FAM90A20: variants seen among roughly 807,000 people sequenced by gnomAD.
The protein encoded by FAM90A20 is family with sequence similarity 90 member A20.
chr8:7,297,339 G>T, the FAM90A20 span: 2 of 1,389,502 alleles, frequency 1.4e-6, no homozygotes, highest in Admixed American at 1.7e-5. Context: ...GAGGGTAGCT[G>T]CCGAGAAGTT....
chr8:7,297,687 C>T, the FAM90A20 span: 5 of 1,406,000 alleles, frequency 3.6e-6, no homozygotes, highest in South Asian at 3.4e-5. Context: ...AGGAGGACAC[C>T]GGCCCAGGTG....
chr8:7,296,971 T>G, the FAM90A20 span: 1 of 1,132,012 alleles, frequency 8.8e-7, no homozygotes, highest in Non-Finnish European at 1.2e-6. Context: ...AAGAATTTCA[T>G]GGTGTGTGCA....
At chr8:7,296,841 T>C in the FAM90A20 span, among the ~76,000 whole-genome samples, 2 of 136,636 alleles carry the variant, frequency 1.5e-5, 1 homozygote. Context: ...TTTTGAACAA[T>C]GGTGTGCTTA....
At chr8:7,297,348 T>C in the FAM90A20 span, 2 of 1,407,744 alleles carry the variant, frequency 1.4e-6, no homozygotes, top group Non-Finnish European at 2.0e-6. Context: ...TGCCGAGAAG[T>C]TCCCCAGGCT....
the FAM90A20 span, chr8:7,297,392 A>G: frequency 6.5e-7 from 1 of 1,527,236 alleles, no homozygotes; most frequent in Admixed American, 1.7e-5. Context: ...CCAGGCCGTC[A>G]GAACCCAGGC....
the FAM90A20 span, chr8:7,295,858 T>C: frequency 2.9e-6 from 2 of 693,362 alleles, no homozygotes; most frequent in Non-Finnish European, 5.0e-6. Flanking sequence ...TTTTCACCAC[T>C]CTTAGGGTAC....
the FAM90A20 span, among the ~76,000 whole-genome samples, chr8:7,296,051 T>C: frequency 3.1e-5 from 4 of 128,560 alleles, 1 homozygote; most frequent in Non-Finnish European, 6.2e-5. Context: ...TTCATGCAGG[T>C]TCCCCACGAC....
chr8:7,297,394 A>G, the FAM90A20 span: 1 of 1,529,038 alleles, frequency 6.5e-7, no homozygotes, highest in Non-Finnish European at 8.9e-7. Context: ...AGGCCGTCAG[A>G]ACCCAGGCAC....
At chr8:7,296,926 C>T in the FAM90A20 span, 1 of 728,664 alleles carries the variant, frequency 1.4e-6, no homozygotes, top group East Asian at 2.7e-5. Context: ...GAGGGTCTGT[C>T]CCTACTTCCA....
At chr8:7,297,687 C>G in the FAM90A20 span, 13 of 1,405,940 alleles carry the variant, frequency 9.2e-6, 2 homozygotes, top group Non-Finnish European at 1.3e-5. Context: ...AGGAGGACAC[C>G]GGCCCAGGTG....
the FAM90A20 span, among the ~76,000 whole-genome samples, chr8:7,296,554 A>T: frequency 3.0e-5 from 4 of 135,532 alleles, 1 homozygote; most frequent in African/African-American, 7.1e-5. Flanking sequence ...GTTTGATTCC[A>T]GGCGAAGTCA....
At chr8:7,295,621 C>T in the FAM90A20 span, 4 of 649,908 alleles carry the variant, frequency 6.2e-6, 1 homozygote, top group Non-Finnish European at 1.1e-5. Flanking sequence ...CACTTCCTTT[C>T]CACCCACAGC....
At chr8:7,296,362 G>C in the FAM90A20 span, 2 of 747,206 alleles carry the variant, frequency 2.7e-6, no homozygotes, top group East Asian at 2.5e-5. Flanking sequence ...GCTGCCGAAT[G>C]GAAAAGGATC....
the FAM90A20 span, chr8:7,295,596 C>T: frequency 4.6e-6 from 3 of 658,238 alleles, 1 homozygote; most frequent in South Asian, 4.4e-5. Context: ...GTGGCTTCAG[C>T]TCACTCACTG....
the FAM90A20 span, chr8:7,297,606 G>A: frequency 3.4e-6 from 5 of 1,459,830 alleles, no homozygotes; most frequent in Non-Finnish European, 3.7e-6. Flanking sequence ...GGTGAGCTGG[G>A]GGCCCCGGAG....
the FAM90A20 span, chr8:7,296,196 C>T: frequency 3.1e-6 from 2 of 653,526 alleles, no homozygotes; most frequent in East Asian, 2.9e-5. Context: ...TTCTGTATCA[C>T]AAGACACGGA....
the FAM90A20 span, chr8:7,297,991 C>T: frequency 1.5e-6 from 1 of 685,298 alleles, no homozygotes; most frequent in East Asian, 2.7e-5. Context: ...AGGTTTCCTC[C>T]TCCTCAGAGG....
chr8:7,297,463 G>A, the FAM90A20 span: 4 of 1,548,452 alleles, frequency 2.6e-6, no homozygotes, highest in South Asian at 1.1e-5. Context: ...CACACAGCTT[G>A]GGCCTAGGCT....
chr8:7,295,857 C>G, the FAM90A20 span: 1 of 694,722 alleles, frequency 1.4e-6, no homozygotes, highest in Non-Finnish European at 2.5e-6. Flanking sequence ...GTTTTCACCA[C>G]TCTTAGGGTA....
Sources: gnomAD v4.1 joint callset for allele counts (sites outside exome capture counted in the v4.1 genomes callset) on GRCh38, gnomAD v4.1.1 for gene constraint, MANE v1.5 for transcripts, NCBI Gene and HGNC (gene_info 2026-07-23, HGNC 2026-07-21) for gene names.